Variants in GBE1 observed in about 807,000 individuals in gnomAD.
The protein encoded by GBE1 is 1,4-alpha-glucan branching enzyme 1.
In GBE1, 70 loss-of-function variants were observed where a neutral mutation model predicts 88.8. That is an observed-to-expected ratio of 0.79 (90% CI 0.65 to 0.96). GBE1 has a LOEUF of 0.96. Ranked by LOEUF, GBE1 falls within the 40% of genes least tolerant of loss-of-function variation. The probability of loss-of-function intolerance (pLI) is 0.00; values close to 1 mark genes in which losing one functional copy is unlikely to be tolerated. For synonymous variants in GBE1, 284 were observed against 300.1 expected (o/e 0.95, Z 0.56); for missense variants, 872 against 871.0 (o/e 1.00, Z -0.01).
chr3:81,555,124 T>G (rs1703329662), intron 12 of GBE1, among the ~76,000 whole-genome samples: 1 of 152,226 alleles, frequency 6.6e-6, no homozygotes, highest in South Asian at 2.1e-4. Context: ...TGTTTGTACT[T>G]GCTTGCTTCA....
At chr3:81,675,551 C>T (rs778467027) in intron 2 of GBE1, among the ~76,000 whole-genome samples, 3 of 151,724 alleles carry the variant, frequency 2.0e-5, no homozygotes, top group Non-Finnish European at 1.5e-5. Context: ...ATATTCACAC[C>T]GAAACATTGC....
intron 2 of GBE1, among the ~76,000 whole-genome samples, chr3:81,688,834 TTATA>T (rs1705479523): frequency 6.6e-6 from 1 of 151,418 alleles, no homozygotes; most frequent in Non-Finnish European, 1.5e-5. Context: ...GCCAAAAATA[TTATA>T]TATACTATAT....
chr3:81,639,223 A>T (rs542906310), intron 7 of GBE1, among the ~76,000 whole-genome samples: 2 of 152,288 alleles, frequency 1.3e-5, no homozygotes, highest in South Asian at 4.1e-4. Flanking sequence ...ATGCATTCAC[A>T]TATAGCTAAA....
At chr3:81,691,448 T>C (rs1435654242) in intron 2 of GBE1, among the ~76,000 whole-genome samples, 2 of 151,902 alleles carry the variant, frequency 1.3e-5, no homozygotes, top group African/African-American at 4.9e-5. Flanking sequence ...CAGCATGACC[T>C]AATCATAAAA....
chr3:81,621,712 C>T (rs1222695510), intron 7 of GBE1, among the ~76,000 whole-genome samples: 2 of 152,196 alleles, frequency 1.3e-5, no homozygotes, highest in African/African-American at 4.8e-5. Context: ...AACAAAACTC[C>T]ACCTTAGTTG....
At chr3:81,505,700 T>A (rs891281824) in intron 14 of GBE1, among the ~76,000 whole-genome samples, 2 of 152,114 alleles carry the variant, frequency 1.3e-5, no homozygotes, top group Non-Finnish European at 2.9e-5. Flanking sequence ...ACATAGATAA[T>A]GTGCAGGTCT....
intron 1 of GBE1, among the ~76,000 whole-genome samples, chr3:81,759,670 G>A (rs1706652750): frequency 6.6e-6 from 1 of 152,288 alleles, no homozygotes; most frequent in African/African-American, 2.4e-5. Context: ...CCCACTGGAC[G>A]AGACTTTTCA....
chr3:81,573,729 G>T (rs980941449), intron 12 of GBE1, among the ~76,000 whole-genome samples: 13 of 151,112 alleles, frequency 8.6e-5, no homozygotes, highest in African/African-American at 2.9e-4. Flanking sequence ...TTTTCAGACT[G>T]AATTTGCTCT....
intron 5 of GBE1, among the ~76,000 whole-genome samples, chr3:81,647,085 T>C (rs1292125188): frequency 4.0e-5 from 6 of 151,638 alleles, no homozygotes; most frequent in African/African-American, 1.5e-4. Flanking sequence ...GCCTCCCAAG[T>C]AGCTGGAACT....
At chr3:81,572,860 T>C (rs754014059) in intron 12 of GBE1, among the ~76,000 whole-genome samples, 1 of 152,138 alleles carries the variant, frequency 6.6e-6, no homozygotes, top group Non-Finnish European at 1.5e-5. Flanking sequence ...TTTGCCTGCC[T>C]AAACCAGCAT....
At chr3:81,527,458 T>C (rs1438124334) in intron 14 of GBE1, among the ~76,000 whole-genome samples, 1 of 152,136 alleles carries the variant, frequency 6.6e-6, no homozygotes, top group African/African-American at 2.4e-5. Flanking sequence ...AGAAAATTTT[T>C]GCAATCTATT....
At chr3:81,656,173 T>A (rs1034391954) in intron 3 of GBE1, among the ~76,000 whole-genome samples, 1 of 152,160 alleles carries the variant, frequency 6.6e-6, no homozygotes, top group African/African-American at 2.4e-5. Context: ...GCCAAGAATC[T>A]GTGAATGATA....
intron 9 of GBE1, among the ~76,000 whole-genome samples, chr3:81,586,551 T>C (rs936987895): frequency 8.5e-5 from 13 of 152,238 alleles, no homozygotes; most frequent in Non-Finnish European, 1.5e-4. Context: ...ACATGTGGCA[T>C]AAATCTGTTA....
chr3:81,658,195 C>T lies in GBE1; in HGVS notation c.430-8274G>A, dbSNP rs115108295. Among the ~76,000 whole-genome samples, 1,223 of 151,800 alleles carry T rather than the reference C, an allele frequency of 8.1e-3. 16 individuals are homozygous for T. Among genetic ancestry groups the T allele is most frequent in the Middle Eastern group, 0.02 (6 of 294 alleles). On this transcript the variant is annotated intron_variant, in intron 3 of 15. Coordinates refer to ENST00000429644, the MANE Select transcript of GBE1 (RefSeq NM_000158.4). ...TGAATAGGACAAAGGGTTTCTCTAA[C>T]AAAAATAAATACTAACAAATCATAA...
At chr3:81,576,946 A>G (rs968434722) in intron 12 of GBE1, among the ~76,000 whole-genome samples, 1 of 152,102 alleles carries the variant, frequency 6.6e-6, no homozygotes, top group African/African-American at 2.4e-5. Context: ...TCAAAGATCC[A>G]GGGCTTTTTA....
chr3:81,747,770 T>C lies in GBE1; in HGVS notation c.143+13605A>G, dbSNP rs139688606. Reference sequence around the variant, plus strand: ...TCTCCTGGCTCAGAAGCTCCCCCACTGAGCACCTTGTGACCCCCGCCCCTG... The same window carrying C: ...TCTCCTGGCTCAGAAGCTCCCCCACCGAGCACCTTGTGACCCCCGCCCCTG... On this transcript the variant is annotated intron_variant, in intron 1 of 15. Coordinates refer to ENST00000429644, the MANE Select transcript of GBE1 (RefSeq NM_000158.4). Among the ~76,000 whole-genome samples the C allele has an allele frequency of 4.7e-4, 72 of 152,230 alleles. 1 individual carries two copies. The highest frequency in any genetic ancestry group is 9.6e-4 in the African/African-American group (40 of 41,538).
At chr3:81,725,333 C>A (rs1030205468) in intron 1 of GBE1, among the ~76,000 whole-genome samples, 9 of 151,772 alleles carry the variant, frequency 5.9e-5, no homozygotes, top group African/African-American at 2.2e-4. Context: ...TATTTTCTTT[C>A]CTTATATCTT....
chr3:81,624,368 C>G (rs1251322235), intron 7 of GBE1, among the ~76,000 whole-genome samples: 1 of 152,134 alleles, frequency 6.6e-6, no homozygotes, highest in Non-Finnish European at 1.5e-5. Flanking sequence ...GACACAAAGC[C>G]TAACCATACC....
At chr3:81,521,005 G>A (rs929559072) in intron 14 of GBE1, among the ~76,000 whole-genome samples, 4 of 151,382 alleles carry the variant, frequency 2.6e-5, no homozygotes, top group Non-Finnish European at 4.4e-5. Context: ...CTCTTATTTT[G>A]AAGAGATAGT....
Sources: gnomAD v4.1 joint callset for allele counts (sites outside exome capture counted in the v4.1 genomes callset) on GRCh38, gnomAD v4.1.1 for gene constraint, MANE v1.5 for transcripts, NCBI Gene and HGNC (gene_info 2026-07-23, HGNC 2026-07-21) for gene names.